The following C1orf21 variants were observed in gnomAD, a reference collection of about 807,000 sequenced individuals.
C1orf21 encodes uncharacterized protein C1orf21.
A neutral mutation model predicts 18.7 loss-of-function variants in C1orf21; 3 were observed. That is an observed-to-expected ratio of 0.16 (90% CI 0.07 to 0.42). The LOEUF (loss-of-function observed/expected upper bound fraction) is 0.42. Ranked by LOEUF, C1orf21 falls within the 10% of genes least tolerant of loss-of-function variation. The pLI, the probability that C1orf21 is intolerant of heterozygous loss-of-function variation, is 0.99. For synonymous variants in C1orf21, 41 were observed against 46.4 expected (o/e 0.88, Z 0.47); for missense variants, 104 against 143.6 (o/e 0.72, Z 1.41).
At chr1:184,406,868 C>T (rs925125417) in intron 1 of C1orf21, among the ~76,000 whole-genome samples, 4 of 152,150 alleles carry the variant, frequency 2.6e-5, no homozygotes, top group African/African-American at 9.7e-5. Context: ...GATCACAGCT[C>T]ACAGCAGCCT....
intron 1 of C1orf21, among the ~76,000 whole-genome samples, chr1:184,445,831 T>C (rs1657021687): frequency 6.6e-6 from 1 of 152,186 alleles, no homozygotes; most frequent in Admixed American, 6.5e-5. Context: ...TGAAGATTAA[T>C]TAAAAGGGCA....
chr1:184,571,296 CAAA>C (rs66868646), intron 3 of C1orf21, among the ~76,000 whole-genome samples: 106 of 85,538 alleles, frequency 1.2e-3, no homozygotes, highest in African/African-American at 3.8e-3. Context: ...GACTCCGTCT[CAAA>C]AAAAAAAAAA....
intron 3 of C1orf21, among the ~76,000 whole-genome samples, chr1:184,539,011 C>G (rs1317970668): frequency 6.6e-6 from 1 of 152,146 alleles, no homozygotes; most frequent in Non-Finnish European, 1.5e-5. Flanking sequence ...CCTAATTGCT[C>G]TGGCTAGAAC....
chr1:184,387,894 A>G lies in C1orf21; in HGVS notation c.-125+526A>G, dbSNP rs1655912535. On this transcript the variant is annotated intron_variant, in intron 1 of 5. Transcript: ENST00000235307. This position sits in a 1 kb window ranked among gnomAD's most constrained non-coding sequence, Gnocchi z 5.6. ...TTGTGTGGGTGGTTTGACCCCCGGGATTTCTGAAGTTTTGACCTTTTTGGG... is the reference window on the plus strand; with the variant it reads ...TTGTGTGGGTGGTTTGACCCCCGGGGTTTCTGAAGTTTTGACCTTTTTGGG... Among the ~76,000 whole-genome samples the G allele has an allele frequency of 6.6e-6, 1 of 151,988 alleles. No homozygotes were observed. Among genetic ancestry groups the G allele is most frequent in the African/African-American group, 2.4e-5 (1 of 41,366 alleles).
chr1:184,403,396 T>A (rs1214619790), intron 1 of C1orf21, among the ~76,000 whole-genome samples: 2 of 152,196 alleles, frequency 1.3e-5, no homozygotes, highest in Non-Finnish European at 2.9e-5. Flanking sequence ...ATATATTGTT[T>A]AAAGATAGAC....
At chr1:184,501,736 G>A (rs929862692) in intron 2 of C1orf21, among the ~76,000 whole-genome samples, 1 of 152,152 alleles carries the variant, frequency 6.6e-6, no homozygotes, top group African/African-American at 2.4e-5. Flanking sequence ...CTTGACTCAA[G>A]GACAGAAAGC....
chr1:184,578,993 T>TAAAA (rs67905484), intron 3 of C1orf21, among the ~76,000 whole-genome samples: 2 of 121,666 alleles, frequency 1.6e-5, no homozygotes, highest in East Asian at 2.4e-4. Context: ...TTGTGAAGGT[T>TAAAA]AAAAAAAAAA....
At chr1:184,553,983 CA>C (rs1658845674) in intron 3 of C1orf21, among the ~76,000 whole-genome samples, 1 of 152,178 alleles carries the variant, frequency 6.6e-6, no homozygotes, top group Non-Finnish European at 1.5e-5. Flanking sequence ...AAACGTGAAC[CA>C]TTCCAGCAGT....
chr1:184,590,276 G>A (rs1354207546), intron 3 of C1orf21, among the ~76,000 whole-genome samples: 1 of 152,176 alleles, frequency 6.6e-6, no homozygotes. Flanking sequence ...TTTGTCGTGG[G>A]TTTTAGTCAT....
At chr1:184,416,445 GT>G (rs562296374) in intron 1 of C1orf21, among the ~76,000 whole-genome samples, 12 of 152,060 alleles carry the variant, frequency 7.9e-5, no homozygotes, top group Non-Finnish European at 1.6e-4. Context: ...GTGTGTCTAA[GT>G]GGGAAATGCT....
At chr1:184,563,529 G>A (rs1658994448) in intron 3 of C1orf21, among the ~76,000 whole-genome samples, 1 of 152,064 alleles carries the variant, frequency 6.6e-6, no homozygotes, top group South Asian at 2.1e-4. Context: ...CATAATTTCA[G>A]GCCGTCAGAC....
chr1:184,417,875 C>T (rs1656479916), intron 1 of C1orf21, among the ~76,000 whole-genome samples: 1 of 152,144 alleles, frequency 6.6e-6, no homozygotes, highest in Non-Finnish European at 1.5e-5. Flanking sequence ...TGGGATAAGG[C>T]CAGGTCTGAC....
rs1656320542 is a variant in C1orf21 at position 184,410,625 on chromosome 1, A to T, written c.-125+23257A>T. ...TTAATTTGCCATATATATTATATAT[A>T]TATATATATATATATATATATATAT... On this transcript the variant is annotated intron_variant, in intron 1 of 5. Transcript: ENST00000235307. Among the ~76,000 whole-genome samples the T allele has an allele frequency of 7.3e-4, 2 of 2,734 alleles. 1 individual carries two copies. The highest frequency in any genetic ancestry group is 0.017 in the African/African-American group (2 of 120). The allele number at this position is 2,734 out of a possible 152,430, so 1.8% of individuals were successfully genotyped here.
intron 4 of C1orf21, 85 bp downstream of exon 4, chr1:184,590,900 C>A: frequency 8.4e-7 from 1 of 1,192,670 alleles, no homozygotes; most frequent in Non-Finnish European, 1.2e-6. Context: ...ACCCATGGAT[C>A]AAAAATATTC....
At chr1:184,477,013 C>G (rs1657581570) in intron 1 of C1orf21, among the ~76,000 whole-genome samples, 1 of 152,082 alleles carries the variant, frequency 6.6e-6, no homozygotes, top group Non-Finnish European at 1.5e-5. Context: ...CAAGAGTGGG[C>G]TCTCCTTCCT....
chr1:184,571,554 C>G (rs1025871734), intron 3 of C1orf21, among the ~76,000 whole-genome samples: 3 of 152,264 alleles, frequency 2.0e-5, no homozygotes, highest in East Asian at 3.9e-4. Flanking sequence ...CCCTCTACCC[C>G]CTGTTGTTTG....
intron 3 of C1orf21, among the ~76,000 whole-genome samples, chr1:184,572,161 C>T (rs562538358): frequency 1.0e-3 from 159 of 152,264 alleles, no homozygotes; most frequent in African/African-American, 3.7e-3. Context: ...TTTATGATTA[C>T]AAGAGACCAT....
intron 3 of C1orf21, among the ~76,000 whole-genome samples, chr1:184,509,097 T>C (rs1328262103): frequency 3.9e-5 from 6 of 152,182 alleles, no homozygotes; most frequent in African/African-American, 1.4e-4. Flanking sequence ...TACTTGTGAG[T>C]AGTCTGGCAG....
At chr1:184,415,325 A>T (rs929913150) in intron 1 of C1orf21, among the ~76,000 whole-genome samples, 17 of 152,144 alleles carry the variant, frequency 1.1e-4, no homozygotes, top group African/African-American at 4.1e-4. Context: ...TTGACTCCTT[A>T]CTCGGTAAGT....
Sources: gnomAD v4.1 joint callset for allele counts (sites outside exome capture counted in the v4.1 genomes callset) on GRCh38, gnomAD v4.1.1 for gene constraint, Gnocchi (gnomAD v3.1) non-coding constraint, MANE v1.5 for transcripts, NCBI Gene and HGNC (gene_info 2026-07-23, HGNC 2026-07-21) for gene names.